VWA5B1: variants seen among roughly 807,000 people sequenced by gnomAD.
The protein encoded by VWA5B1 is von Willebrand factor A domain containing 5B1.
Under a neutral mutation model 118.2 loss-of-function variants are expected in VWA5B1, and 115 were observed. The observed-to-expected ratio is 0.97, with a 90% confidence interval of 0.84 to 1.14. The LOEUF is 1.14. Ranked by LOEUF, VWA5B1 falls within the 50% of genes most tolerant of loss-of-function variation. The pLI is 0.00. For missense variants in VWA5B1, 1,596 were observed against 1,603.8 expected, an observed-to-expected ratio of 1.00 and a Z score of 0.08; for synonymous variants, 682 against 658.4, an observed-to-expected ratio of 1.04 and a Z score of -0.55.
intron 8 of VWA5B1, 136 bp downstream of exon 8, chr1:20,323,668 A>C: frequency 1.1e-6 from 1 of 924,410 alleles, no homozygotes; most frequent in Non-Finnish European, 1.5e-6. Flanking sequence ...AGATACCCAA[A>C]CTCCATTTGC....
chr1:20,303,734 G>A (rs2100811778), intron 1 of VWA5B1, among the ~76,000 whole-genome samples: 1 of 152,228 alleles, frequency 6.6e-6, no homozygotes, highest in East Asian at 1.9e-4. Context: ...TTTCTGAAAA[G>A]CAAATATCCC....
chr1:20,302,948 TTGTTACCCG>T (rs2088539046), intron 1 of VWA5B1: 1 of 152,052 alleles, frequency 6.6e-6, no homozygotes, highest in Non-Finnish European at 1.5e-5. Context: ...CGTCAGGGAT[TTGTTACCCG>T]TGTTGGCTGG....
At chr1:20,341,889 A>G (rs1036408674) in intron 14 of VWA5B1, among the ~76,000 whole-genome samples, 1 of 152,206 alleles carries the variant, frequency 6.6e-6, no homozygotes, top group Non-Finnish European at 1.5e-5. Context: ...TGCATTCAAT[A>G]AATTGTGAGA....
In VWA5B1 at chr1:20,355,379, C is replaced by T. The variant is rs993556285; in HGVS notation, c.*1116C>T. 5.9e-5 allele frequency among the ~76,000 whole-genome samples: 9 copies of T among 152,210 alleles called. No individual in the cohort carries two copies. Among genetic ancestry groups the T allele is most frequent in the Middle Eastern group, 3.2e-3 (1 of 316 alleles). ...TGTGTGATGCCTACATGGGGAATGG[C>T]GTGCTGTGGCCGCAGATACCCTAAT... On this transcript the variant is annotated 3_prime_UTR_variant, in exon 22 of 22. Transcript: ENST00000289815.
At position 20,318,623 on chromosome 1, in the gene VWA5B1, A is replaced by C. The variant is rs1299571470; in HGVS notation, c.743A>C (p.Asp248Ala). 1 of 1,550,876 alleles carries C rather than the reference A, an allele frequency of 6.4e-7. No homozygotes were observed. Among genetic ancestry groups the C allele is most frequent in the South Asian group, 1.2e-5 (1 of 83,926 alleles). The change falls in exon 6 of 22, where the codon GAC (aspartate) becomes GCC (alanine). Residue 248 changes from aspartate to alanine, a missense_variant. Coordinates refer to ENST00000289815, the MANE Select transcript of VWA5B1 (RefSeq NM_001039500.3). ...AGTCCCACTCATGAGATTCGTGCCG[A>C]CGCCGCCCCATCTGCCCGCTCGGCC... ...VESPTHEIRA[D>A]AAPSARSAKS...
chr1:20,323,660 A>G (rs1319794175), intron 8 of VWA5B1, 128 bp downstream of exon 8: 34 of 1,003,848 alleles, frequency 3.4e-5, no homozygotes, highest in Non-Finnish European at 4.2e-5. Flanking sequence ...TTAAACAGAG[A>G]TACCCAAACT....
chr1:20,342,457 T>C lies in VWA5B1; in HGVS notation c.2159T>C (p.Leu720Pro), dbSNP rs1371198865. The change falls in exon 15 of 22, where the codon CTG (leucine) becomes CCG (proline). Residue 720 changes from leucine to proline, a missense_variant. Coordinates refer to ENST00000289815, the MANE Select transcript of VWA5B1 (RefSeq NM_001039500.3). Reference sequence around the variant, plus strand: ...CCCTTGCTGAACAGTGGTCAGGACCTGAACCAGGGCCCCAAACTCCGTGGC... The same window carrying C: ...CCCTTGCTGAACAGTGGTCAGGACCCGAACCAGGGCCCCAAACTCCGTGGC... ...LQPLLNSGQDLNQGPKLRGPG... is the reference protein window; with the variant it reads ...LQPLLNSGQDPNQGPKLRGPG... The C allele has an allele frequency of 7.7e-6, 12 of 1,551,238 alleles. No homozygotes were observed. In the South Asian group the frequency reaches 1.3e-4, roughly 17 times the overall value.
chr1:20,345,106 A>G (rs1256503669), intron 16 of VWA5B1, among the ~76,000 whole-genome samples: 2 of 152,266 alleles, frequency 1.3e-5, no homozygotes, highest in East Asian at 3.8e-4. Context: ...CAACGTTCCC[A>G]TTAGACATCT....
At position 20,312,951 on chromosome 1, in the gene VWA5B1, C is replaced by T; in HGVS notation, c.255C>T (p.His85=). 5.2e-6 allele frequency: 8 copies of T among 1,551,648 alleles called. No homozygotes were observed. The highest frequency in any genetic ancestry group is 7.0e-6 in the Non-Finnish European group (8 of 1,146,986). ...IKDKAKLESG[H]FDASHVRSPT... ...ACAAAGCCAAGCTGGAGAGCGGCCA[C>T]TTCGATGCCTCCCATGTTCGATCCC... is the stretch of plus-strand genomic sequence containing the variant. The change falls in exon 3 of 22, where the codon CAC becomes CAT. Residue 85 remains histidine, a synonymous_variant. Coordinates refer to ENST00000289815, the MANE Select transcript of VWA5B1 (RefSeq NM_001039500.3).
intron 1 of VWA5B1, among the ~76,000 whole-genome samples, chr1:20,304,024 G>A (rs966770512): frequency 6.6e-6 from 1 of 152,220 alleles, no homozygotes; most frequent in African/African-American, 2.4e-5. Flanking sequence ...AGCAATGCCT[G>A]TAAAGCACTA....
chr1:20,303,921 T>G (rs1453888111), intron 1 of VWA5B1, among the ~76,000 whole-genome samples: 1 of 152,004 alleles, frequency 6.6e-6, no homozygotes, highest in African/African-American at 2.4e-5. Context: ...GGCTTTGGAG[T>G]CCGGGCTGGT....
At chr1:20,305,951 A>G (rs2088640281) in intron 1 of VWA5B1, among the ~76,000 whole-genome samples, 1 of 152,142 alleles carries the variant, frequency 6.6e-6, no homozygotes, top group African/African-American at 2.4e-5. Flanking sequence ...GGATCCATGC[A>G]TTCATTCAAC....
chr1:20,342,736 A>C, intron 15 of VWA5B1, 127 bp downstream of exon 15: 2 of 1,230,588 alleles, frequency 1.6e-6, no homozygotes, highest in South Asian at 1.7e-5. Flanking sequence ...GCTGCGGCTC[A>C]CCCCTCTCTG....
intron 1 of VWA5B1, among the ~76,000 whole-genome samples, chr1:20,294,706 C>T (rs530003526): frequency 9.2e-5 from 14 of 152,156 alleles, no homozygotes; most frequent in Admixed American, 7.2e-4. Flanking sequence ...CTCAAACCCC[C>T]AGCCTCCCAA....
chr1:20,328,268 G>T (rs2089446601), intron 9 of VWA5B1, among the ~76,000 whole-genome samples: 1 of 152,090 alleles, frequency 6.6e-6, no homozygotes, highest in Non-Finnish European at 1.5e-5. Context: ...CAGAAATGAG[G>T]TACGGAAAGT....
intron 1 of VWA5B1, among the ~76,000 whole-genome samples, chr1:20,291,705 G>T (rs551965614): frequency 2.1e-4 from 32 of 152,208 alleles, no homozygotes; most frequent in South Asian, 1.2e-3. Flanking sequence ...ATGCCCCGCA[G>T]CTTGTGACCA....
chr1:20,330,718 C>T (rs1298358964), intron 10 of VWA5B1, 151 bp from the exon 11 acceptor site: 13 of 795,974 alleles, frequency 1.6e-5, no homozygotes, highest in African/African-American at 3.4e-5. Flanking sequence ...TGGGTACCCC[C>T]GATGGCCCCT....
intron 1 of VWA5B1, among the ~76,000 whole-genome samples, chr1:20,292,148 TTC>T (rs920728969): frequency 4.6e-5 from 7 of 151,758 alleles, no homozygotes; most frequent in African/African-American, 1.7e-4. Context: ...CTCTCTTTCT[TTC>T]TCTCTCTCTC....
At chr1:20,332,572 C>T (rs914089272) in intron 11 of VWA5B1, among the ~76,000 whole-genome samples, 194 bp from the exon 12 acceptor site, 3 of 146,674 alleles carry the variant, frequency 2.0e-5, no homozygotes, top group Non-Finnish European at 4.6e-5. Flanking sequence ...AAAGATGAAG[C>T]GAAGATGCTC....
Sources: gnomAD v4.1 joint callset for allele counts (sites outside exome capture counted in the v4.1 genomes callset) on GRCh38, gnomAD v4.1.1 for gene constraint, MANE v1.5 for transcripts, NCBI Gene and HGNC (gene_info 2026-07-23, HGNC 2026-07-21) for gene names.